Variants in SYNC observed in about 807,000 individuals in gnomAD.
SYNC encodes syncoilin.
SYNC carries 38 observed loss-of-function variants against 49.5 expected under a neutral mutation model. The ratio of observed to expected loss-of-function variants is 0.77; its 90% CI spans 0.59 to 1.01. SYNC has a LOEUF of 1.01. Ranked by LOEUF, SYNC falls within the 50% of genes least tolerant of loss-of-function variation. The pLI, the probability that SYNC is intolerant of heterozygous loss-of-function variation, is 0.00. For synonymous variants in SYNC, 201 were observed against 230.8 expected, an observed-to-expected ratio of 0.87 and a Z score of 1.17; for missense variants, 579 against 580.6, an observed-to-expected ratio of 1.00 and a Z score of 0.03.
At chr1:32,692,993 A>G (rs1403506746) in intron 2 of SYNC, among the ~76,000 whole-genome samples, 1 of 151,650 alleles carries the variant, frequency 6.6e-6, no homozygotes, top group Admixed American at 6.6e-5. Context: ...AAAGAGCAAG[A>G]CTCTGTCTCA....
Position 32,684,036 on chromosome 1 carries a change from G to A in SYNC, c.1412C>T (p.Ala471Val), listed in dbSNP as rs1215677835. 55 of 1,614,168 alleles carry A rather than the reference G, an allele frequency of 3.4e-5. No homozygotes were observed. Among genetic ancestry groups the A allele is most frequent in the Non-Finnish European group, 4.7e-5 (55 of 1,180,028 alleles). ...LEQADAPTSQ[A>V]GGMETQSQGA... ...TTGAGACTGTGTCTCCATTCCACCTGCCTGAGAAGTGGGAGCATCAGCCTG... is the reference window on the plus strand; with the variant it reads ...TTGAGACTGTGTCTCCATTCCACCTACCTGAGAAGTGGGAGCATCAGCCTG... Residue 471 changes from alanine to valine, a missense_variant, in exon 4 of 5, where the codon GCA (alanine) becomes GTA (valine). Ala to Val is a moderately conservative substitution (Grantham distance 64). Coordinates refer to ENST00000409190, the MANE Select transcript of SYNC (RefSeq NM_030786.3).
intron 4 of SYNC, chr1:32,683,640 TTTTG>T (rs756322156): frequency 6.2e-6 from 1 of 160,334 alleles, no homozygotes; most frequent in Non-Finnish European, 1.4e-5. Flanking sequence ...TTTTTTGGGT[TTTTG>T]TTTTGTTTTG....
chr1:32,691,848 C>T (rs1570913559), intron 2 of SYNC, among the ~76,000 whole-genome samples: 1 of 152,158 alleles, frequency 6.6e-6, no homozygotes, highest in East Asian at 1.9e-4. Flanking sequence ...TGTTGGGCAG[C>T]ACTGGTCTAG....
upstream of SYNC, chr1:32,703,363 CCA>C (rs1650743751): frequency 6.5e-6 from 1 of 152,704 alleles, no homozygotes; most frequent in Non-Finnish European, 1.5e-5. Flanking sequence ...ATATTTAACC[CCA>C]CTTTCTGCCC....
At position 32,689,939 on chromosome 1, in the gene SYNC, C is replaced by CAA. The variant is rs11320062; in HGVS notation, c.1233+4924_1233+4925dup. 6.6e-3 allele frequency among the ~76,000 whole-genome samples: 665 copies of CAA among 100,616 alleles called. 4 individuals carry two copies. The highest frequency in any genetic ancestry group is 0.023 in the Middle Eastern group (5 of 220). 66.0% of individuals were successfully genotyped at this position (100,616 alleles called of 152,430 possible). On this transcript the variant is annotated intron_variant, in intron 2 of 4. Transcript: ENST00000409190. ...CTAGCAACAGAGTGAGACACCGTCA[C>CAA]AAAAAAAAAAAAAAAAAAGTAAGTT...
chr1:32,697,222 A>T (rs1025951401), intron 1 of SYNC, among the ~76,000 whole-genome samples: 8 of 150,394 alleles, frequency 5.3e-5, no homozygotes, highest in African/African-American at 2.0e-4. Context: ...CAGGCGGATC[A>T]CCTGAGGTCG....
chr1:32,703,330 T>C (rs888457849), upstream of SYNC, among the ~76,000 whole-genome samples: 4 of 151,756 alleles, frequency 2.6e-5, no homozygotes, highest in African/African-American at 9.7e-5. Flanking sequence ...TGCGGAGGAG[T>C]TTACGCCTAT....
intron 2 of SYNC, among the ~76,000 whole-genome samples, chr1:32,693,090 T>G (rs1650246667): frequency 6.6e-6 from 1 of 151,374 alleles, no homozygotes; most frequent in Non-Finnish European, 1.5e-5. Flanking sequence ...TGTTTGTTTT[T>G]GTTTGTTTTT....
At chr1:32,694,256 G>C (rs1027819101) in intron 2 of SYNC, among the ~76,000 whole-genome samples, 2 of 152,112 alleles carry the variant, frequency 1.3e-5, no homozygotes, top group African/African-American at 2.4e-5. Context: ...CTACTCAAGA[G>C]GCTGAGGTGG....
chr1:32,694,813 CTCTT>C (rs902553871), intron 2 of SYNC, 48 bp downstream of exon 2: 1 of 1,493,414 alleles, frequency 6.7e-7, no homozygotes, highest in African/African-American at 1.4e-5. Context: ...ACTCTGGCCA[CTCTT>C]TCCCCAGGTT....
chr1:32,688,239 C>T (rs760692550), intron 2 of SYNC, among the ~76,000 whole-genome samples: 2 of 152,098 alleles, frequency 1.3e-5, no homozygotes, highest in Non-Finnish European at 2.9e-5. Flanking sequence ...TCTCAAGCTG[C>T]CTAACCCTGG....
At chr1:32,681,951 T>C in intron 4 of SYNC, 91 bp from the exon 5 acceptor site, 1 of 1,188,462 alleles carries the variant, frequency 8.4e-7, no homozygotes, top group Non-Finnish European at 1.2e-6. Context: ...ACAGTGTGAT[T>C]TATGGATGAT....
At chr1:32,686,476 TAGGACA>T (rs1332401039) in intron 2 of SYNC, among the ~76,000 whole-genome samples, 2 of 152,142 alleles carry the variant, frequency 1.3e-5, no homozygotes, top group African/African-American at 4.8e-5. Context: ...ATTTTCTACA[TAGGACA>T]AAGACAAAGA....
chr1:32,696,209 G>C (rs1043305851), intron 1 of SYNC, among the ~76,000 whole-genome samples, 165 bp from the exon 2 acceptor site: 1 of 151,912 alleles, frequency 6.6e-6, no homozygotes, highest in Non-Finnish European at 1.5e-5. Context: ...ACCCAACCAC[G>C]GTGTAGATCC....
intron 2 of SYNC, among the ~76,000 whole-genome samples, chr1:32,692,859 G>T (rs1270108621): frequency 6.6e-6 from 1 of 151,800 alleles, no homozygotes; most frequent in Non-Finnish European, 1.5e-5. Context: ...CAAAAAATTA[G>T]CTGGGTGCAG....
Position 32,702,697 on chromosome 1 carries a change from T to C in SYNC, c.-37A>G, listed in dbSNP as rs1650716761. The C allele has an allele frequency of 1.0e-5, 12 of 1,143,694 alleles. No individual in the cohort carries two copies. The highest frequency in any genetic ancestry group is 1.3e-5 in the Non-Finnish European group (12 of 932,390). The allele number at this position is 1,143,694 out of a possible 1,614,324, so 70.8% of individuals were successfully genotyped here. A position where few individuals can be genotyped will look rare whatever the true frequency, so the allele number is the denominator to read the frequency against. The stretch of plus-strand genomic sequence containing the variant: ...CCCGGGCTGGCGGCCGCGTTATTAA[T>C]AGCCGGGCCCGCGGGCCCCTCGCTC... On this transcript the variant is annotated 5_prime_UTR_variant, in exon 1 of 5. Coordinates refer to ENST00000409190, the MANE Select transcript of SYNC (RefSeq NM_030786.3). The surrounding 1 kb of genome is among the most constrained non-coding windows in gnomAD (Gnocchi z 6.2).
intron 1 of SYNC, among the ~76,000 whole-genome samples, chr1:32,696,297 C>G (rs1049649268): frequency 2.6e-5 from 4 of 152,082 alleles, no homozygotes; most frequent in Non-Finnish European, 5.9e-5. Flanking sequence ...TGAGGCACCA[C>G]TGTTTGTTCC....
chr1:32,691,972 G>T (rs941750471), intron 2 of SYNC, among the ~76,000 whole-genome samples: 1 of 152,112 alleles, frequency 6.6e-6, no homozygotes, highest in South Asian at 2.1e-4. Flanking sequence ...AGTGGCTCAT[G>T]CCTGTAATCC....
At chr1:32,683,786 C>T (rs1479088148) in intron 4 of SYNC, 4 of 485,518 alleles carry the variant, frequency 8.2e-6, no homozygotes, top group Non-Finnish European at 1.5e-5. Flanking sequence ...GTGCCTGCCA[C>T]TATGCCCGGC....
Sources: allele counts gnomAD v4.1 joint callset (sites outside exome capture counted in the v4.1 genomes callset), GRCh38; gene constraint gnomAD v4.1.1; non-coding constraint Gnocchi (gnomAD v3.1); transcripts MANE v1.5; gene names NCBI Gene and HGNC (gene_info 2026-07-23, HGNC 2026-07-21).